The following SFMBT1 variants were observed in gnomAD, a reference collection of about 807,000 sequenced individuals.
SFMBT1 encodes the protein Scm like with four mbt domains 1.
A neutral mutation model predicts 108.7 loss-of-function variants in SFMBT1; 32 were observed. That is an observed-to-expected ratio of 0.29 (90% confidence interval 0.22 to 0.40). SFMBT1 has a LOEUF of 0.40. Among genes scored for constraint, SFMBT1 ranks in the 10% least tolerant of loss-of-function variants. The pLI, the probability that SFMBT1 is intolerant of heterozygous loss-of-function variation, is 1.00. For synonymous variants in SFMBT1, 348 were observed against 369.5 expected (o/e 0.94, Z 0.67); for missense variants, 816 against 1,059.6 (o/e 0.77, Z 3.19).
intron 11 of SFMBT1, 76 bp downstream of exon 11, chr3:52,921,629 A>C: frequency 6.7e-7 from 1 of 1,496,832 alleles, no homozygotes; most frequent in Non-Finnish European, 9.0e-7. Context: ...TAAGTTTAAC[A>C]GGCAACATTA....
At chr3:53,044,787 A>C (rs981481707) in intron 1 of SFMBT1, among the ~76,000 whole-genome samples, 18 of 152,184 alleles carry the variant, frequency 1.2e-4, no homozygotes, top group Non-Finnish European at 2.2e-4. Flanking sequence ...GGGACCATCA[A>C]CCAGTGCTGC....
At chr3:52,948,968 G>C (rs1703478008) in intron 3 of SFMBT1, among the ~76,000 whole-genome samples, 1 of 151,088 alleles carries the variant, frequency 6.6e-6, no homozygotes, top group East Asian at 2.0e-4. Context: ...CAGCATCCTT[G>C]CAATTTTTTT....
chr3:53,024,717 G>T (rs1016287218), intron 1 of SFMBT1, among the ~76,000 whole-genome samples: 1 of 152,118 alleles, frequency 6.6e-6, no homozygotes, highest in Admixed American at 6.5e-5. Context: ...AATATATTTT[G>T]AACTCCCATC....
chr3:53,017,312 T>C (rs1466007405), intron 1 of SFMBT1, among the ~76,000 whole-genome samples: 1 of 152,238 alleles, frequency 6.6e-6, no homozygotes, highest in Non-Finnish European at 1.5e-5. Flanking sequence ...ATTTTGAGGA[T>C]GTTGCAGTCA....
intron 1 of SFMBT1, among the ~76,000 whole-genome samples, chr3:53,035,481 T>C (rs1699839430): frequency 6.6e-6 from 1 of 152,200 alleles, no homozygotes; most frequent in Admixed American, 6.5e-5. Context: ...GTTTTATGGG[T>C]TGAATAAGCC....
intron 1 of SFMBT1, among the ~76,000 whole-genome samples, chr3:53,005,480 T>C (rs1698708266): frequency 2.0e-5 from 3 of 152,216 alleles, no homozygotes; most frequent in Admixed American, 1.3e-4. Flanking sequence ...ATCCTGCTAA[T>C]TGTTATTGTA....
intron 4 of SFMBT1, among the ~76,000 whole-genome samples, chr3:52,939,732 G>C (rs1033991400): frequency 1.3e-5 from 2 of 151,690 alleles, no homozygotes; most frequent in African/African-American, 4.8e-5. Context: ...TTATTTCTTT[G>C]TTTGGTTTTT....
chr3:52,924,641 TAAG>T (rs1347639374), intron 10 of SFMBT1, among the ~76,000 whole-genome samples: 1 of 135,716 alleles, frequency 7.4e-6, no homozygotes, highest in Non-Finnish European at 1.6e-5. Context: ...AGATTCTGTC[TAAG>T]AAGAACAAAA....
rs778916387 is a variant in SFMBT1 at position 52,997,706 on chromosome 3, T to C, written c.-130-28448A>G. On this transcript the variant is annotated intron_variant, in intron 1 of 20. Transcript: ENST00000394752. ...AATTTCTAGAAAAGGCAAAATTGTA[T>C]AGAAAATACATCAGTGGTTTCCCAG... 1.4e-4 allele frequency among the ~76,000 whole-genome samples: 21 copies of C among 150,508 alleles called. 1 individual carries two copies. Among genetic ancestry groups the C allele is most frequent in the Non-Finnish European group, 2.7e-4 (18 of 67,184 alleles).
chr3:52,927,177 C>G (rs1702683592), intron 9 of SFMBT1, among the ~76,000 whole-genome samples: 1 of 152,186 alleles, frequency 6.6e-6, no homozygotes, highest in Admixed American at 6.5e-5. Context: ...ACCCTCCAAC[C>G]AGGCATTCAT....
rs116771424 is a variant in SFMBT1, at chr3:53,020,460, A to G, written c.-131+25356T>C. 7.3e-3 allele frequency among the ~76,000 whole-genome samples: 1,112 copies of G among 152,322 alleles called. 17 individuals carry two copies. Among genetic ancestry groups the G allele is most frequent in the African/African-American group, 0.025 (1,028 of 41,574 alleles). ...AAGGAAAAAAGAGACTTTTCACTCT[A>G]TTGAACACATCCCCATCTTATTTTC... is the stretch of plus-strand genomic sequence containing the variant. On this transcript the variant is annotated intron_variant, in intron 1 of 20. Coordinates refer to ENST00000394752, the MANE Select transcript of SFMBT1 (RefSeq NM_016329.4).
At chr3:52,950,640 A>C (rs988537745) in intron 3 of SFMBT1, among the ~76,000 whole-genome samples, 1 of 151,982 alleles carries the variant, frequency 6.6e-6, no homozygotes, top group Non-Finnish European at 1.5e-5. Context: ...ATGCCTGTCT[A>C]ATTTTTGTAT....
intron 2 of SFMBT1, among the ~76,000 whole-genome samples, chr3:52,958,802 T>A (rs768766836): frequency 6.6e-6 from 1 of 152,070 alleles, no homozygotes; most frequent in Non-Finnish European, 1.5e-5. Flanking sequence ...ATATAAATCA[T>A]TCTATTATGA....
intron 1 of SFMBT1, among the ~76,000 whole-genome samples, chr3:53,028,570 G>A (rs1040862786): frequency 3.3e-5 from 5 of 152,178 alleles, no homozygotes; most frequent in African/African-American, 4.8e-5. Context: ...CTACTCGGGA[G>A]GCTGAGATGG....
chr3:53,014,017 A>G (rs1699044666), intron 1 of SFMBT1, among the ~76,000 whole-genome samples: 1 of 152,192 alleles, frequency 6.6e-6, no homozygotes, highest in African/African-American at 2.4e-5. Context: ...ACCATGTGAT[A>G]TGATACCTCT....
intron 1 of SFMBT1, among the ~76,000 whole-genome samples, chr3:53,032,324 C>T (rs1167527795): frequency 1.3e-5 from 2 of 152,180 alleles, no homozygotes; most frequent in Non-Finnish European, 2.9e-5. Flanking sequence ...GAGCCGGGAT[C>T]ACACCCCTGC....
In SFMBT1 at chr3:52,928,042, C is replaced by T. The variant is rs1486957516; in HGVS notation, c.1048+149G>A. ...ATATGTAAATACATGGAATCTAGAC[C>T]TTTCCTTATACTTTTCTCAGACCCC... On this transcript the variant is annotated intron_variant, in intron 9 of 20. Transcript: ENST00000394752. The T allele has an allele frequency of 4.2e-6, 4 of 947,972 alleles. No individual in the cohort carries two copies. In the African/African-American group the frequency reaches 6.7e-5, roughly 16 times the overall value. 58.7% of individuals were successfully genotyped at this position (947,972 alleles called of 1,614,324 possible). A position where few individuals can be genotyped will look rare whatever the true frequency, so the allele number is the denominator to read the frequency against.
At chr3:53,002,587 G>GTAA (rs1332067207) in intron 1 of SFMBT1, among the ~76,000 whole-genome samples, 1 of 149,936 alleles carries the variant, frequency 6.7e-6, no homozygotes, top group East Asian at 1.9e-4. Flanking sequence ...ACAGTGAACT[G>GTAA]TAATGAATAA....
intron 4 of SFMBT1, among the ~76,000 whole-genome samples, chr3:52,938,099 G>C (rs907194146): frequency 2.6e-4 from 39 of 152,042 alleles, no homozygotes; most frequent in Admixed American, 2.4e-3. Context: ...CAGCTATCAA[G>C]ACTGACAGCT....
Sources: allele counts gnomAD v4.1 joint callset (sites outside exome capture counted in the v4.1 genomes callset), GRCh38; gene constraint gnomAD v4.1.1; transcripts MANE v1.5; gene names NCBI Gene and HGNC (gene_info 2026-07-23, HGNC 2026-07-21).